Variants in CELF2 observed in about 807,000 individuals in gnomAD.
The protein encoded by CELF2 is CUG triplet repeat RNA-binding protein 2.
A neutral mutation model predicts 62.6 loss-of-function variants in CELF2; 8 were observed. The ratio of observed to expected loss-of-function variants is 0.13; its 90% CI spans 0.07 to 0.23. The LOEUF is 0.23. Ranked by LOEUF, CELF2 falls within the 10% of genes least tolerant of loss-of-function variation. The pLI is 1.00. For synonymous variants in CELF2, 258 were observed against 250.0 expected (o/e 1.03, Z -0.30); for missense variants, 333 against 671.0 (o/e 0.50, Z 5.56).
the CELF2 span, among the ~76,000 whole-genome samples, chr10:10,573,347 CT>C: frequency 6.6e-6 from 1 of 152,134 alleles, no homozygotes; most frequent in African/African-American, 2.4e-5. Context: ...TGCAGAAGCT[CT>C]TTAATTAGAT....
At chr10:10,668,215 C>T in the CELF2 span, among the ~76,000 whole-genome samples, 10 of 152,200 alleles carry the variant, frequency 6.6e-5, no homozygotes, top group Admixed American at 1.3e-4. Context: ...CTTCTTATCA[C>T]GTGTAATCAT....
chr10:10,917,523 T>G (rs2064460217), intron 1 of CELF2, among the ~76,000 whole-genome samples: 1 of 152,116 alleles, frequency 6.6e-6, no homozygotes, highest in African/African-American at 2.4e-5. Context: ...AAATGTTTAG[T>G]AGAGACAGGG....
chr10:10,808,269 G>A (rs2055449992), intron 1 of CELF2, among the ~76,000 whole-genome samples: 2 of 152,180 alleles, frequency 1.3e-5, no homozygotes, highest in South Asian at 4.1e-4. Context: ...AAATTTCTAG[G>A]AACTTCGTGT....
At chr10:11,112,707 T>C (rs1473418047) in intron 1 of CELF2, among the ~76,000 whole-genome samples, 2 of 152,270 alleles carry the variant, frequency 1.3e-5, no homozygotes, top group Admixed American at 6.5e-5. Context: ...AATGCAAGCA[T>C]CTGTGAGACC....
chr10:10,809,424 T>A (rs1286510297), intron 1 of CELF2, among the ~76,000 whole-genome samples: 1 of 152,202 alleles, frequency 6.6e-6, no homozygotes. Flanking sequence ...ATTCTTTTCC[T>A]TAAACTTTCT....
the CELF2 span, among the ~76,000 whole-genome samples, chr10:10,673,039 T>C: frequency 1.3e-5 from 2 of 152,144 alleles, no homozygotes; most frequent in Admixed American, 6.5e-5. Context: ...TAAGCATTTT[T>C]TTTTGAGGGC....
the CELF2 span, among the ~76,000 whole-genome samples, chr10:10,513,468 T>C: frequency 1.3e-5 from 2 of 152,198 alleles, no homozygotes. Context: ...CAGTAACTAC[T>C]TCTGTCCAGT....
the CELF2 span, among the ~76,000 whole-genome samples, chr10:10,506,308 G>A: frequency 0.033 from 4,650 of 142,084 alleles, 88 homozygotes; most frequent in Non-Finnish European, 0.053. Context: ...GTGTATCTGT[G>A]TCTGTGTCTA....
rs1461780169 is a variant in CELF2 at position 11,331,304 on chromosome 10, A to C, written c.*2251A>C. ...ATACAAAAAAAAAAAAAAGAATTTC[A>C]AAAAAAAAAGTTGTTTGCTTAAAAA... is the stretch of plus-strand genomic sequence containing the variant. On this transcript the variant is annotated 3_prime_UTR_variant, in exon 13 of 13. Transcript: ENST00000633077. 1 of 147,864 alleles carries C rather than the reference A, an allele frequency of 6.8e-6. No homozygotes were observed. The highest frequency in any genetic ancestry group is 2.5e-5 in the African/African-American group (1 of 39,594). 9.2% of individuals were successfully genotyped at this position (147,864 alleles called of 1,614,324 possible).
chr10:11,254,941 T>C (rs2078239046), intron 4 of CELF2, among the ~76,000 whole-genome samples: 1 of 152,174 alleles, frequency 6.6e-6, no homozygotes, highest in Admixed American at 6.5e-5. Context: ...TTTTCTCCCC[T>C]TCCCGTTCAC....
At chr10:10,878,109 G>A (rs994783079) in intron 1 of CELF2, among the ~76,000 whole-genome samples, 2 of 152,168 alleles carry the variant, frequency 1.3e-5, no homozygotes, top group Admixed American at 1.3e-4. Flanking sequence ...CCGCCAGCAG[G>A]AATTTCCCAG....
chr10:10,724,961 AG>A, the CELF2 span, among the ~76,000 whole-genome samples: 69,269 of 152,010 alleles, frequency 0.46, 16,145 homozygotes, highest in Middle Eastern at 0.51. Context: ...CATAAAACCT[AG>A]AAGGTGGCAG....
At chr10:10,610,769 AG>A in the CELF2 span, among the ~76,000 whole-genome samples, 1 of 152,244 alleles carries the variant, frequency 6.6e-6, no homozygotes, top group African/African-American at 2.4e-5. Flanking sequence ...GTTATTGACT[AG>A]GTATAAAGCA....
chr10:11,114,871 A>G (rs998128900), intron 1 of CELF2, among the ~76,000 whole-genome samples: 3 of 152,202 alleles, frequency 2.0e-5, no homozygotes, highest in Non-Finnish European at 2.9e-5. Context: ...AAAACATCAC[A>G]ATTGTGTTTT....
chr10:11,206,674 G>T (rs913695535), intron 2 of CELF2, among the ~76,000 whole-genome samples: 19 of 152,198 alleles, frequency 1.2e-4, no homozygotes, highest in Admixed American at 1.0e-3. Context: ...CCTCTAGTTG[G>T]CTTGTTACAT....
At chr10:10,709,806 G>T in the CELF2 span, among the ~76,000 whole-genome samples, 1 of 152,146 alleles carries the variant, frequency 6.6e-6, no homozygotes, top group Non-Finnish European at 1.5e-5. Context: ...CCGGCACTCA[G>T]TTTTCTTTGA....
At position 11,018,140 on chromosome 10, in the gene CELF2, C is replaced by T; in HGVS notation, c.51C>T (p.Gly17=). ...LDFLPDMMVE[G]RLLVPDRING... Reference sequence around the variant, plus strand: ...TCCTCCCGGACATGATGGTCGAGGGCCGCCTGCTCGTTCCTGACAGAATGT... The same window carrying T: ...TCCTCCCGGACATGATGGTCGAGGGTCGCCTGCTCGTTCCTGACAGAATGT... Residue 17 remains glycine (G), a synonymous_variant, in exon 1 of 13, where the codon GGC becomes GGT. Transcript: ENST00000633077. 6.6e-7 allele frequency: 1 copy of T among 1,523,832 alleles called. No individual in the cohort carries two copies. The highest frequency in any genetic ancestry group is 8.8e-7 in the Non-Finnish European group (1 of 1,133,646). 94.4% of individuals were successfully genotyped at this position (1,523,832 alleles called of 1,614,324 possible).
chr10:10,665,556 C>T, the CELF2 span, among the ~76,000 whole-genome samples: 1 of 152,126 alleles, frequency 6.6e-6, no homozygotes, highest in South Asian at 2.1e-4. Context: ...AGAAACCTAC[C>T]AGCAGGTATT....
At chr10:11,095,492 A>T (rs567815282) in intron 1 of CELF2, among the ~76,000 whole-genome samples, 9 of 152,202 alleles carry the variant, frequency 5.9e-5, no homozygotes, top group Non-Finnish European at 1.3e-4. Context: ...TGGAGCTAAG[A>T]TGAAGCTAAG....
Sources: gnomAD v4.1 joint callset for allele counts (sites outside exome capture counted in the v4.1 genomes callset) on GRCh38, gnomAD v4.1.1 for gene constraint, MANE v1.5 for transcripts, NCBI Gene and HGNC (gene_info 2026-07-23, HGNC 2026-07-21) for gene names.